The following MARCO variants were observed in gnomAD, a reference collection of about 807,000 sequenced individuals.
The protein encoded by MARCO is macrophage receptor MARCO.
A neutral mutation model predicts 70.0 loss-of-function variants in MARCO; 72 were observed. The ratio of observed to expected loss-of-function variants is 1.03; its 90% CI spans 0.85 to 1.25. MARCO has a LOEUF of 1.25. MARCO is among the 50% of genes most tolerant of loss of function. The probability of loss-of-function intolerance (pLI) is 0.00; values close to 1 mark genes in which losing one functional copy is unlikely to be tolerated. For missense variants in MARCO, 696 were observed against 659.3 expected, an observed-to-expected ratio of 1.06 and a Z score of -0.61; for synonymous variants, 273 against 243.1, an observed-to-expected ratio of 1.12 and a Z score of -1.14.
chr2:118,986,721 GAA>G (rs370264640), intron 12 of MARCO, among the ~76,000 whole-genome samples: 1 of 88,612 alleles, frequency 1.1e-5, no homozygotes, highest in Admixed American at 1.1e-4. Context: ...AAGAAAGAAA[GAA>G]AAGAAAGAAA....
chr2:118,954,376 G>C (rs1679787354), intron 1 of MARCO, among the ~76,000 whole-genome samples: 1 of 152,084 alleles, frequency 6.6e-6, no homozygotes, highest in Non-Finnish European at 1.5e-5. Flanking sequence ...CAGTGACCTG[G>C]GAATCTCACC....
At position 118,974,654 on chromosome 2, in the gene MARCO, G is replaced by A. The variant is rs2104585486; in HGVS notation, c.613+89G>A. 2.3e-6 allele frequency: 3 copies of A among 1,298,322 alleles called. No homozygotes were observed. In the East Asian group the frequency reaches 7.1e-5, roughly 31 times the overall value. 80.4% of individuals were successfully genotyped at this position (1,298,322 alleles called of 1,614,324 possible). A position where few individuals can be genotyped will look rare whatever the true frequency, so the allele number is the denominator to read the frequency against. On this transcript the variant is annotated intron_variant, in intron 6 of 16. Coordinates refer to ENST00000327097, the MANE Select transcript of MARCO (RefSeq NM_006770.4). ...GCTGCAGACGCAGCCTCCCTCCAGA[G>A]TCTGGACCTCTGAGGGGTCTGTAGG...
intron 5 of MARCO, 30 bp downstream of exon 5, chr2:118,974,470 C>A (rs1178948757): frequency 1.5e-5 from 24 of 1,612,056 alleles, no homozygotes; most frequent in Non-Finnish European, 2.0e-5. Flanking sequence ...GACCCTTAAT[C>A]ATTTTCCTCC....
Position 118,992,519 on chromosome 2 carries a change from A to C in MARCO, c.1252+43A>C, listed in dbSNP as rs557888469. ...TATCTTTAATGTGTGCTTTAAAGTC[A>C]ATTCTGCACCTGAAAATTGTGTGTG... On this transcript the variant is annotated intron_variant, in intron 15 of 16. Coordinates refer to ENST00000327097, the MANE Select transcript of MARCO (RefSeq NM_006770.4). 2.0e-6 allele frequency: 3 copies of C among 1,493,040 alleles called. No homozygotes were observed. In the South Asian group the frequency reaches 3.4e-5, roughly 17 times the overall value. The allele number at this position is 1,493,040 out of a possible 1,614,324, so 92.5% of individuals were successfully genotyped here. A position where few individuals can be genotyped will look rare whatever the true frequency, so the allele number is the denominator to read the frequency against.
intron 12 of MARCO, among the ~76,000 whole-genome samples, chr2:118,983,829 C>T (rs548836168): frequency 3.9e-5 from 6 of 152,216 alleles, no homozygotes; most frequent in African/African-American, 1.2e-4. Flanking sequence ...GCCAGACTAA[C>T]GGTTCTCAAC....
At chr2:118,947,316 G>C (rs1679619791) in intron 1 of MARCO, among the ~76,000 whole-genome samples, 1 of 151,906 alleles carries the variant, frequency 6.6e-6, no homozygotes, top group Non-Finnish European at 1.5e-5. Context: ...TTATATGTTA[G>C]AGACAAGATC....
intron 8 of MARCO, among the ~76,000 whole-genome samples, chr2:118,980,291 G>A (rs1030606570): frequency 4.6e-5 from 7 of 152,284 alleles, no homozygotes; most frequent in African/African-American, 1.2e-4. Flanking sequence ...GTTATAGGAC[G>A]CCTCAGCCAT....
At chr2:118,942,424 A>G in intron 1 of MARCO, 27 bp downstream of exon 1, 2 of 1,496,734 alleles carry the variant, frequency 1.3e-6, no homozygotes, top group Middle Eastern at 1.7e-4. Context: ...CAATAATGGA[A>G]ATGACCAGAA....
chr2:118,974,846 A>G (rs1342096206), intron 6 of MARCO, among the ~76,000 whole-genome samples: 1 of 151,988 alleles, frequency 6.6e-6, no homozygotes, highest in Non-Finnish European at 1.5e-5. Context: ...CCTCTGTGTG[A>G]GAATGTAAGT....
At position 118,977,862 on chromosome 2, in the gene MARCO, A is replaced by G; in HGVS notation, c.693A>G (p.Lys231=). 6.2e-7 allele frequency: 1 copy of G among 1,613,106 alleles called. No homozygotes were observed. The highest frequency in any genetic ancestry group is 8.5e-7 in the Non-Finnish European group (1 of 1,179,660). ...TPGPQGEKGS[K]GDGGLIGPKG... is the part of the protein sequence containing the mutation. ...GACCCCAAGGAGAGAAGGGCAGCAA[A>G]GGCGATGGGGGTCTCATTGGCCCAA... is the stretch of plus-strand genomic sequence containing the variant. Residue 231 remains lysine, a synonymous_variant, in exon 8 of 17, where the codon AAA becomes AAG. Transcript: ENST00000327097.
At chr2:118,968,602 C>T (rs1680100996) in intron 1 of MARCO, among the ~76,000 whole-genome samples, 1 of 152,264 alleles carries the variant, frequency 6.6e-6, no homozygotes, top group South Asian at 2.1e-4. Context: ...ATTATTAACC[C>T]TTGTCATGCC....
intron 16 of MARCO, 27 bp downstream of exon 16, chr2:118,993,327 C>T: frequency 6.2e-7 from 1 of 1,611,608 alleles, no homozygotes; most frequent in Non-Finnish European, 8.5e-7. Context: ...CCGGGGGCCT[C>T]TTCCCCAGAG....
intron 12 of MARCO, among the ~76,000 whole-genome samples, chr2:118,988,164 G>A (rs960536853): frequency 3.3e-5 from 5 of 152,180 alleles, no homozygotes; most frequent in Admixed American, 3.3e-4. Context: ...CTGGCGTGAT[G>A]CAGGCAGCAG....
chr2:118,986,723 A>AAGAAAG (rs1680521521), intron 12 of MARCO, among the ~76,000 whole-genome samples: 2 of 69,640 alleles, frequency 2.9e-5, no homozygotes, highest in Non-Finnish European at 2.4e-5. Context: ...GAAAGAAAGA[A>AAGAAAG]AAGAAAGAAA....
At chr2:118,986,592 A>AGAAAGAAG (rs1680491233) in intron 12 of MARCO, among the ~76,000 whole-genome samples, 1 of 10,956 alleles carries the variant, frequency 9.1e-5, no homozygotes, top group Non-Finnish European at 1.5e-4. Context: ...GAAAGAAGAA[A>AGAAAGAAG]GAAAGAAAGA....
At chr2:118,986,677 GAAA>G (rs1558671781) in intron 12 of MARCO, among the ~76,000 whole-genome samples, 1,794 of 39,666 alleles carry the variant, frequency 0.045, 51 homozygotes, top group Non-Finnish European at 0.057. Flanking sequence ...AGGAAGGAAA[GAAA>G]GAAAGAAAGA....
intron 1 of MARCO, among the ~76,000 whole-genome samples, chr2:118,945,865 T>G (rs952166373): frequency 8.5e-5 from 13 of 152,196 alleles, no homozygotes; most frequent in African/African-American, 1.4e-4. Flanking sequence ...ACACTAACTA[T>G]TGTCTCTCAG....
intron 8 of MARCO, 113 bp from the exon 9 acceptor site, chr2:118,981,296 A>G (rs1680383340): frequency 8.5e-6 from 6 of 706,428 alleles, no homozygotes; most frequent in Middle Eastern, 3.8e-4. Context: ...ACCAAGTAGG[A>G]GCTCAAGGAG....
intron 1 of MARCO, among the ~76,000 whole-genome samples, chr2:118,943,896 T>A (rs1172700051): frequency 6.6e-6 from 1 of 152,124 alleles, no homozygotes; most frequent in Non-Finnish European, 1.5e-5. Flanking sequence ...AATGTGCATG[T>A]GAGGTTGCTC....
Sources: allele counts gnomAD v4.1 joint callset (sites outside exome capture counted in the v4.1 genomes callset), GRCh38; gene constraint gnomAD v4.1.1; transcripts MANE v1.5; gene names NCBI Gene and HGNC (gene_info 2026-07-23, HGNC 2026-07-21).